The following GSG1L variants were observed in gnomAD, a reference collection of about 807,000 sequenced individuals.
The protein encoded by GSG1L is germ cell-specific gene 1-like protein.
GSG1L carries 24 observed loss-of-function variants against 42.1 expected under a neutral mutation model. The ratio of observed to expected loss-of-function variants is 0.57; its 90% CI spans 0.41 to 0.80. The LOEUF (loss-of-function observed/expected upper bound fraction) is 0.80, where lower values mean the gene tolerates loss of function less well. Among genes scored for constraint, GSG1L ranks in the 30% least tolerant of loss-of-function variants. GSG1L has a pLI of 0.00. For synonymous variants in GSG1L, 215 were observed against 203.5 expected (o/e 1.06, Z -0.48); for missense variants, 445 against 472.2 (o/e 0.94, Z 0.53).
chr16:27,985,098 C>T (rs1268642745), intron 1 of GSG1L, among the ~76,000 whole-genome samples: 1 of 151,924 alleles, frequency 6.6e-6, no homozygotes, highest in Non-Finnish European at 1.5e-5. Flanking sequence ...CATTTCCTTC[C>T]ACTTCTGCTC....
chr16:27,883,866 A>G (rs1331427308), intron 3 of GSG1L, among the ~76,000 whole-genome samples: 1 of 152,182 alleles, frequency 6.6e-6, no homozygotes, highest in Non-Finnish European at 1.5e-5. Flanking sequence ...CATCTTCCTG[A>G]GTCCTATGAT....
intron 5 of GSG1L, among the ~76,000 whole-genome samples, chr16:27,826,438 T>C (rs1714963242): frequency 6.6e-6 from 1 of 152,198 alleles, no homozygotes; most frequent in African/African-American, 2.4e-5. Context: ...GATGCCTTCC[T>C]GCCACTGAAA....
intron 1 of GSG1L, among the ~76,000 whole-genome samples, chr16:28,009,820 T>A (rs934089138): frequency 6.6e-6 from 1 of 152,190 alleles, no homozygotes; most frequent in Non-Finnish European, 1.5e-5. Context: ...GATTATGACT[T>A]AACTGCTTCA....
chr16:27,989,459 A>G (rs1018670252), intron 1 of GSG1L, among the ~76,000 whole-genome samples: 7 of 151,904 alleles, frequency 4.6e-5, no homozygotes, highest in African/African-American at 1.5e-4. Flanking sequence ...AATTATACGG[A>G]CCAGGAGCGG....
intron 5 of GSG1L, among the ~76,000 whole-genome samples, chr16:27,808,575 C>T (rs540819925): frequency 1.3e-4 from 20 of 152,182 alleles, no homozygotes; most frequent in African/African-American, 4.6e-4. Context: ...CCTGCCACTG[C>T]GCCCAGCTAA....
intron 5 of GSG1L, among the ~76,000 whole-genome samples, chr16:27,814,432 C>G (rs1284875624): frequency 2.6e-5 from 4 of 152,186 alleles, no homozygotes; most frequent in Non-Finnish European, 5.9e-5. Context: ...ATTTTCAACT[C>G]AGAGAGAAGG....
At chr16:27,989,587 A>C (rs2141133626) in intron 1 of GSG1L, among the ~76,000 whole-genome samples, 1 of 152,244 alleles carries the variant, frequency 6.6e-6, no homozygotes, top group South Asian at 2.1e-4. Context: ...TAAAAATACA[A>C]AAATTAGCCA....
intron 2 of GSG1L, among the ~76,000 whole-genome samples, chr16:27,942,610 CA>C (rs1340897517): frequency 2.6e-5 from 4 of 152,116 alleles, no homozygotes; most frequent in Non-Finnish European, 5.9e-5. Context: ...GCAAAAGATG[CA>C]AACAGGCACT....
intron 1 of GSG1L, among the ~76,000 whole-genome samples, chr16:28,024,990 C>G (rs948479691): frequency 6.6e-6 from 1 of 152,338 alleles, no homozygotes; most frequent in Non-Finnish European, 1.5e-5. Context: ...ACCATCACAG[C>G]TGTCTGATTT....
At chr16:27,873,578 A>G (rs927763643) in intron 3 of GSG1L, among the ~76,000 whole-genome samples, 2 of 152,230 alleles carry the variant, frequency 1.3e-5, no homozygotes, top group Non-Finnish European at 1.5e-5. Flanking sequence ...ATGTTGCATT[A>G]AGAGCCAAAA....
intron 2 of GSG1L, among the ~76,000 whole-genome samples, chr16:27,913,415 T>C (rs1452544539): frequency 6.6e-6 from 1 of 152,214 alleles, no homozygotes; most frequent in Admixed American, 6.5e-5. Context: ...AAATTGGTGA[T>C]TCGCTGCATT....
At chr16:27,800,267 G>A (rs2082866320) in intron 6 of GSG1L, among the ~76,000 whole-genome samples, 1 of 152,318 alleles carries the variant, frequency 6.6e-6, no homozygotes, top group Middle Eastern at 3.4e-3. Flanking sequence ...ATGCCAAGTT[G>A]CTCTGGGTCC....
chr16:27,821,903 A>G (rs994721801), intron 5 of GSG1L, among the ~76,000 whole-genome samples: 3 of 124,654 alleles, frequency 2.4e-5, no homozygotes, highest in Non-Finnish European at 5.0e-5. Context: ...GAGTGTCTCA[A>G]AAAAGTAAAT....
chr16:28,053,410 G>A (rs1317259982), intron 1 of GSG1L, among the ~76,000 whole-genome samples: 2 of 152,122 alleles, frequency 1.3e-5, no homozygotes, highest in African/African-American at 2.4e-5. Context: ...GTGATGAAAC[G>A]AAGCCCCCAT....
intron 3 of GSG1L, among the ~76,000 whole-genome samples, chr16:27,856,084 C>T (rs1376319616): frequency 6.6e-6 from 1 of 152,132 alleles, no homozygotes; most frequent in African/African-American, 2.4e-5. Context: ...GCTTTGATGT[C>T]AGGGCTGTCC....
At chr16:27,881,002 C>G (rs1219526386) in intron 3 of GSG1L, among the ~76,000 whole-genome samples, 1 of 151,948 alleles carries the variant, frequency 6.6e-6, no homozygotes. Flanking sequence ...ACTGCTCACC[C>G]TATTCCAAGC....
At position 27,989,475 on chromosome 16, in the gene GSG1L, C is replaced by A. The variant is rs577596578; in HGVS notation, c.350-26272G>T. Reference sequence around the variant, plus strand: ...ATTATACGGACCAGGAGCGGTGGTTCACACCTGTAATCCCAGCACTTTGGG... The same window carrying A: ...ATTATACGGACCAGGAGCGGTGGTTAACACCTGTAATCCCAGCACTTTGGG... On this transcript the variant is annotated intron_variant, in intron 1 of 6. Coordinates refer to ENST00000447459, the MANE Select transcript of GSG1L (RefSeq NM_001109763.2). Among the ~76,000 whole-genome samples, 4 of 152,244 alleles carry A rather than the reference C, an allele frequency of 2.6e-5. No homozygotes were observed. The East Asian group carries it at 7.7e-4, about 29-fold the overall frequency.
chr16:27,990,848 G>A (rs1238494827), intron 1 of GSG1L, among the ~76,000 whole-genome samples: 2 of 152,136 alleles, frequency 1.3e-5, no homozygotes, highest in Non-Finnish European at 2.9e-5. Flanking sequence ...CCCAGTAATG[G>A]GATGGCTGGG....
chr16:28,003,659 C>A (rs1289955389), intron 1 of GSG1L, among the ~76,000 whole-genome samples: 1 of 152,188 alleles, frequency 6.6e-6, no homozygotes, highest in Non-Finnish European at 1.5e-5. Context: ...CTGGGCCGGC[C>A]AGGTCTCTCC....
Sources: gnomAD v4.1 joint callset for allele counts (sites outside exome capture counted in the v4.1 genomes callset) on GRCh38, gnomAD v4.1.1 for gene constraint, MANE v1.5 for transcripts, NCBI Gene and HGNC (gene_info 2026-07-23, HGNC 2026-07-21) for gene names.